ADHFE1: variants seen among roughly 807,000 people sequenced by gnomAD.
The protein encoded by ADHFE1 is alcohol dehydrogenase iron containing 1, also known as hydroxyacid-oxoacid transhydrogenase, mitochondrial.
In ADHFE1, 37 loss-of-function variants were observed where a neutral mutation model predicts 54.8. The ratio of observed to expected loss-of-function variants is 0.68; its 90% CI spans 0.52 to 0.89. The LOEUF (loss-of-function observed/expected upper bound fraction) is 0.89. ADHFE1 is among the 40% of genes least tolerant of loss of function. The probability of loss-of-function intolerance (pLI) is 0.00; values close to 1 mark genes in which losing one functional copy is unlikely to be tolerated. For synonymous variants in ADHFE1, 203 were observed against 229.3 expected, an observed-to-expected ratio of 0.89 and a Z score of 1.04; for missense variants, 601 against 591.2, an observed-to-expected ratio of 1.02 and a Z score of -0.17.
intron 1 of ADHFE1, among the ~76,000 whole-genome samples, chr8:66,435,970 C>A (rs1225289803): frequency 7.0e-6 from 1 of 142,894 alleles, no homozygotes; most frequent in African/African-American, 2.6e-5. Flanking sequence ...GGCTGGAGTA[C>A]AGTGGTGTGA....
Position 66,447,367 on chromosome 8 carries a change from T to A in ADHFE1, c.628+26T>A, listed in dbSNP as rs73253646. Reference sequence around the variant, plus strand: ...GTAAGAACCATACTTTTGAATTATCTCCCTTACCTTTCAACTCCACACTCT... The same window carrying A: ...GTAAGAACCATACTTTTGAATTATCACCCTTACCTTTCAACTCCACACTCT... On this transcript the variant is annotated intron_variant, in intron 7 of 13. Coordinates refer to ENST00000396623, the MANE Select transcript of ADHFE1 (RefSeq NM_144650.3). 6,018 of 1,530,900 alleles carry A rather than the reference T, an allele frequency of 3.9e-3. 141 individuals carry two copies. The African/African-American group carries it at 0.053, about 14-fold the overall frequency. 94.8% of individuals were successfully genotyped at this position (1,530,900 alleles called of 1,614,324 possible). A position where few individuals can be genotyped will look rare whatever the true frequency, so the allele number is the denominator to read the frequency against.
intron 6 of ADHFE1, among the ~76,000 whole-genome samples, 155 bp from the exon 7 acceptor site, chr8:66,447,109 G>C (rs556205992): frequency 6.6e-6 from 1 of 152,290 alleles, no homozygotes; most frequent in East Asian, 1.9e-4. Flanking sequence ...ATACATGTTA[G>C]GTTTCCATAC....
intron 5 of ADHFE1, 72 bp downstream of exon 5, chr8:66,444,820 A>G: frequency 3.2e-6 from 5 of 1,577,720 alleles, no homozygotes; most frequent in Non-Finnish European, 4.3e-6. Flanking sequence ...CTTGCCCCCA[A>G]CCAGGCGTGG....
chr8:66,438,502 C>T (rs1197854048), intron 1 of ADHFE1, among the ~76,000 whole-genome samples: 2 of 152,152 alleles, frequency 1.3e-5, no homozygotes, highest in African/African-American at 4.8e-5. Flanking sequence ...AAAGGTGTGG[C>T]CACGCGTTTC....
At chr8:66,449,063 T>G in intron 8 of ADHFE1, 93 bp downstream of exon 8, 1 of 1,102,728 alleles carries the variant, frequency 9.1e-7, no homozygotes, top group Non-Finnish European at 1.4e-6. Context: ...ATTCATTGAT[T>G]AGCACCCCAC....
intron 12 of ADHFE1, among the ~76,000 whole-genome samples, chr8:66,458,008 T>C (rs1285757294): frequency 1.3e-5 from 2 of 152,176 alleles, no homozygotes; most frequent in Non-Finnish European, 2.9e-5. Context: ...GAGGAGTCTG[T>C]TTGCCATACT....
Position 66,454,164 on chromosome 8 carries a change from A to C in ADHFE1, c.986+7A>C. The C allele has an allele frequency of 6.2e-7, 1 of 1,613,270 alleles. No homozygotes were observed. Among genetic ancestry groups the C allele is most frequent in the South Asian group, 1.1e-5 (1 of 90,752 alleles). On this transcript the variant is annotated splice_region_variant and intron_variant, in intron 10 of 13. Transcript: ENST00000396623. The stretch of plus-strand genomic sequence containing the variant: ...ATGCTGGTGTTCATCTGTGGTGAGC[A>C]AGTCTGAGATTTCATTTCTTTACTC...
intron 7 of ADHFE1, 98 bp downstream of exon 7, chr8:66,447,439 G>A (rs1011810911): frequency 9.9e-7 from 1 of 1,009,588 alleles, no homozygotes; most frequent in South Asian, 1.5e-5. Context: ...GATACAGTTA[G>A]AATAAGCCCC....
chr8:66,438,817 C>CAAGT (rs1346318521), intron 1 of ADHFE1, among the ~76,000 whole-genome samples: 1 of 149,974 alleles, frequency 6.7e-6, no homozygotes, highest in African/African-American at 2.5e-5. Context: ...ATACAAACCA[C>CAAGT]AAGTAAGAAG....
At chr8:66,445,614 C>G (rs1232627337) in intron 6 of ADHFE1, among the ~76,000 whole-genome samples, 200 bp downstream of exon 6, 2 of 152,082 alleles carry the variant, frequency 1.3e-5, no homozygotes, top group African/African-American at 4.8e-5. Context: ...CAATTGGGGT[C>G]AGTGGAAGGA....
chr8:66,465,063 G>A (rs950597605), intron 13 of ADHFE1, among the ~76,000 whole-genome samples: 3 of 152,134 alleles, frequency 2.0e-5, no homozygotes, highest in Non-Finnish European at 4.4e-5. Context: ...CTTTTTTATA[G>A]CTGAATAATG....
In ADHFE1 at chr8:66,444,738, A is replaced by G. The variant is rs760170376; in HGVS notation, c.343A>G (p.Thr115Ala). 2.5e-6 allele frequency: 4 copies of G among 1,614,074 alleles called. No individual in the cohort carries two copies. Among genetic ancestry groups the G allele is most frequent in the Non-Finnish European group, 3.4e-6 (4 of 1,180,010 alleles). Residue 115 changes from threonine (T) to alanine (A), a missense_variant, in exon 5 of 14, where the codon ACG (threonine) becomes GCG (alanine). Thr to Ala is a moderately conservative substitution (Grantham distance 58, BLOSUM62 0). Transcript: ENST00000396623. ...TVYDNVRVEPTDSSFMEAIEF... is the reference protein window; with the variant it reads ...TVYDNVRVEPADSSFMEAIEF... ...TTATGATAATGTGAGAGTGGAACCA[A>G]CGGATTCAAGGTATTCTTGTATTGT...
At chr8:66,459,424 A>AT (rs1399646661) in intron 12 of ADHFE1, 4 of 108,276 alleles carry the variant, frequency 3.7e-5, no homozygotes, top group African/African-American at 1.2e-4. Flanking sequence ...ATATATATAT[A>AT]TATATATTTT....
At chr8:66,462,622 G>A (rs919086063) in intron 13 of ADHFE1, among the ~76,000 whole-genome samples, 3 of 152,190 alleles carry the variant, frequency 2.0e-5, no homozygotes, top group South Asian at 2.1e-4. Context: ...CCTGCAAGGG[G>A]CCTTCCAAAA....
chr8:66,442,942 T>C, intron 3 of ADHFE1, 98 bp downstream of exon 3: 1 of 1,032,698 alleles, frequency 9.7e-7, no homozygotes, highest in Non-Finnish European at 1.4e-6. Context: ...TTAAATCTGT[T>C]ATTAATTCAC....
chr8:66,450,139 G>T (rs2555567), intron 8 of ADHFE1, among the ~76,000 whole-genome samples: 24,367 of 152,130 alleles, frequency 0.16, 2,111 homozygotes, highest in Middle Eastern at 0.2. Context: ...TATGCTGCCT[G>T]CCAAGAGACT....
Position 66,445,407 on chromosome 8 carries a change from G to T in ADHFE1, c.543G>T (p.Leu181=). The T allele has an allele frequency of 6.2e-7, 1 of 1,607,058 alleles. No homozygotes were observed. Among genetic ancestry groups the T allele is most frequent in the South Asian group, 1.1e-5 (1 of 89,608 alleles). ...CTGTGTCTGTGCCTCTTAAGCCTCTGATTGCAGGTAAAGACTGTTTATTTC... is the reference window on the plus strand; with the variant it reads ...CTGTGTCTGTGCCTCTTAAGCCTCTTATTGCAGGTAAAGACTGTTTATTTC... The part of the protein sequence containing the change: ...GKPVSVPLKP[L]IAVPTTSGTG... The change falls in exon 6 of 14, where the codon CTG becomes CTT. Residue 181 remains leucine, a synonymous_variant. Coordinates refer to ENST00000396623, the MANE Select transcript of ADHFE1 (RefSeq NM_144650.3).
intron 10 of ADHFE1, among the ~76,000 whole-genome samples, chr8:66,456,598 AT>A (rs1407074756): frequency 1.3e-5 from 2 of 152,268 alleles, no homozygotes; most frequent in Admixed American, 1.3e-4. Flanking sequence ...TTCTATGAGC[AT>A]TTGAATTTGA....
intron 9 of ADHFE1, chr8:66,453,714 G>A (rs750195492): frequency 1.9e-5 from 26 of 1,371,590 alleles, no homozygotes; most frequent in Middle Eastern, 4.2e-4. Flanking sequence ...TCACAGGGCC[G>A]TCAACAGCAC....
Sources: gnomAD v4.1 joint callset for allele counts (sites outside exome capture counted in the v4.1 genomes callset) on GRCh38, gnomAD v4.1.1 for gene constraint, MANE v1.5 for transcripts, NCBI Gene and HGNC (gene_info 2026-07-23, HGNC 2026-07-21) for gene names.